MTMR12: variants seen among roughly 807,000 people sequenced by gnomAD.
The protein encoded by MTMR12 is myotubularin related protein 12, also known as myotubularin-related protein 12.
Under a neutral mutation model 96.7 loss-of-function variants are expected in MTMR12, and 33 were observed. That is an observed-to-expected ratio of 0.34 (90% CI 0.26 to 0.46). The LOEUF (loss-of-function observed/expected upper bound fraction) is 0.46, where lower values mean the gene tolerates loss of function less well. MTMR12 is among the 20% of genes least tolerant of loss of function. The pLI is 1.00. For synonymous variants in MTMR12, 298 were observed against 327.2 expected (o/e 0.91, Z 0.96); for missense variants, 721 against 896.1 (o/e 0.80, Z 2.49).
chr5:32,264,462 AC>A lies in MTMR12; in HGVS notation c.584-1221del, dbSNP rs1749513053. On this transcript the variant is annotated intron_variant, in intron 6 of 15. Coordinates refer to ENST00000382142, the MANE Select transcript of MTMR12 (RefSeq NM_001040446.3). The stretch of plus-strand genomic sequence containing the variant: ...TACCAGGTACTGTTCTGAGCATATT[AC>A]TTTTTTTTTTTTTTTGAGACGGAGT... Among the ~76,000 whole-genome samples, 10 of 151,002 alleles carry A rather than the reference AC, an allele frequency of 6.6e-5. No individual in the cohort carries two copies. The South Asian group carries it at 2.1e-3, about 31-fold the overall frequency.
chr5:32,297,172 A>G (rs1750962913), intron 1 of MTMR12, among the ~76,000 whole-genome samples: 1 of 152,070 alleles, frequency 6.6e-6, no homozygotes. Flanking sequence ...AATGTTTAAC[A>G]ATATAAAGTG....
Position 32,248,119 on chromosome 5 carries a change from T to C in MTMR12, c.904A>G (p.Lys302Glu). ...IQKSFLDGIY[K>E]TIHRPPYEIV... ...TCATAGGGTGGCCTGTGGATGGTCTTGTAAATTCTAGGTATCAAAAAGGAA... is the reference window on the plus strand; with the variant it reads ...TCATAGGGTGGCCTGTGGATGGTCTCGTAAATTCTAGGTATCAAAAAGGAA... The change falls in exon 10 of 16, where the codon AAG becomes GAG. Residue 302 changes from lysine to glutamate, a missense_variant. Lys to Glu is a moderately conservative substitution (Grantham distance 56). Coordinates refer to ENST00000382142, the MANE Select transcript of MTMR12 (RefSeq NM_001040446.3). The C allele has an allele frequency of 1.9e-6, 3 of 1,613,398 alleles. No homozygotes were observed. Among genetic ancestry groups the C allele is most frequent in the Non-Finnish European group, 2.5e-6 (3 of 1,179,608 alleles).
At position 32,227,668 on chromosome 5, in the gene MTMR12, G is replaced by A. The variant is rs958073799; in HGVS notation, c.*2110C>T. The A allele has an allele frequency of 1.3e-5, 2 of 152,608 alleles. No homozygotes were observed. The highest frequency in any genetic ancestry group is 4.8e-5 in the African/African-American group (2 of 41,430). 9.5% of individuals were successfully genotyped at this position (152,608 alleles called of 1,614,324 possible). A position where few individuals can be genotyped will look rare whatever the true frequency, so the allele number is the denominator to read the frequency against. Reference sequence around the variant, plus strand: ...CAAAAATAGCTCCATAGCATATTTGGGAGGCAATGGGGCAGAGAAGGAAGT... The same window carrying A: ...CAAAAATAGCTCCATAGCATATTTGAGAGGCAATGGGGCAGAGAAGGAAGT... On this transcript the variant is annotated 3_prime_UTR_variant, in exon 16 of 16. Coordinates refer to ENST00000382142, the MANE Select transcript of MTMR12 (RefSeq NM_001040446.3).
At chr5:32,265,561 CAT>C (rs1163300377) in intron 6 of MTMR12, among the ~76,000 whole-genome samples, 1 of 152,162 alleles carries the variant, frequency 6.6e-6, no homozygotes, top group Non-Finnish European at 1.5e-5. Flanking sequence ...TTGTATATGT[CAT>C]ATTGCCACAA....
At chr5:32,267,695 G>T (rs1749655602) in intron 6 of MTMR12, among the ~76,000 whole-genome samples, 1 of 152,110 alleles carries the variant, frequency 6.6e-6, no homozygotes, top group African/African-American at 2.4e-5. Context: ...TAGAATGCAA[G>T]AAATTCTCTA....
In MTMR12 at chr5:32,228,608, CATATATATG is replaced by C. The variant is rs1747862237; in HGVS notation, c.*1161_*1169del. On this transcript the variant is annotated 3_prime_UTR_variant, in exon 16 of 16. Coordinates refer to ENST00000382142, the MANE Select transcript of MTMR12 (RefSeq NM_001040446.3). ...ATATATGTGATATATATATATATATCATATATATGATATATATATATCACATATATATCA... is the reference window on the plus strand; with the variant it reads ...ATATATGTGATATATATATATATATCATATATATATATCACATATATATCA... 1 of 60,634 alleles carries C rather than the reference CATATATATG, an allele frequency of 1.6e-5. No homozygotes were observed. Among genetic ancestry groups the C allele is most frequent in the African/African-American group, 5.8e-5 (1 of 17,156 alleles). 3.8% of individuals were successfully genotyped at this position (60,634 alleles called of 1,614,324 possible).
chr5:32,293,382 T>C (rs1306567895), intron 1 of MTMR12, among the ~76,000 whole-genome samples: 3 of 152,278 alleles, frequency 2.0e-5, no homozygotes, highest in South Asian at 4.1e-4. Flanking sequence ...GAGACTGGCC[T>C]ATCCTCCCAG....
intron 1 of MTMR12, among the ~76,000 whole-genome samples, chr5:32,293,629 G>A (rs3935489): frequency 0.08 from 12,198 of 151,984 alleles, 628 homozygotes; most frequent in South Asian, 0.14. Flanking sequence ...TCACTTTCTC[G>A]GGCTCTTCTT....
chr5:32,289,326 A>C (rs890324411), intron 1 of MTMR12, among the ~76,000 whole-genome samples: 5 of 152,226 alleles, frequency 3.3e-5, no homozygotes, highest in African/African-American at 1.2e-4. Flanking sequence ...AAAACAGAGA[A>C]TCACGGCCCC....
chr5:32,285,375 G>A (rs1296901185), intron 1 of MTMR12, among the ~76,000 whole-genome samples: 2 of 142,022 alleles, frequency 1.4e-5, no homozygotes, highest in South Asian at 4.7e-4. Flanking sequence ...AAAAAAAAAA[G>A]AGGGAACAGA....
At chr5:32,248,192 G>A (rs995997028) in intron 9 of MTMR12, 66 bp from the exon 10 acceptor site, 14 of 1,551,816 alleles carry the variant, frequency 9.0e-6, no homozygotes, top group East Asian at 6.8e-5. Context: ...GATTTACTAC[G>A]TGCCACAATC....
chr5:32,307,228 A>T (rs1751398223), intron 1 of MTMR12, among the ~76,000 whole-genome samples: 1 of 152,186 alleles, frequency 6.6e-6, no homozygotes, highest in African/African-American at 2.4e-5. Context: ...ATTTTTCTAC[A>T]AAGAATGCTT....
intron 7 of MTMR12, 132 bp from the exon 8 acceptor site, chr5:32,255,900 C>T: frequency 1.4e-6 from 1 of 737,064 alleles, no homozygotes; most frequent in East Asian, 3.1e-5. Context: ...TGTTCAGAAC[C>T]AGCTCAGAGG....
At chr5:32,242,942 G>T (rs1748540518) in intron 11 of MTMR12, among the ~76,000 whole-genome samples, 1 of 152,060 alleles carries the variant, frequency 6.6e-6, no homozygotes, top group Non-Finnish European at 1.5e-5. Context: ...CTCCTGAAAT[G>T]TAGCCTAGCA....
intron 1 of MTMR12, among the ~76,000 whole-genome samples, chr5:32,299,596 G>C (rs755637859): frequency 3.3e-5 from 5 of 152,164 alleles, no homozygotes; most frequent in Non-Finnish European, 5.9e-5. Flanking sequence ...AAAAGGCTTG[G>C]AGCAGGAAGA....
At chr5:32,231,144 C>T (rs565647450) in intron 15 of MTMR12, among the ~76,000 whole-genome samples, 1 of 152,198 alleles carries the variant, frequency 6.6e-6, no homozygotes, top group East Asian at 1.9e-4. Context: ...AATCCTAGCA[C>T]TTTGGGAGAC....
rs995941929 is a variant in MTMR12 at position 32,229,527 on chromosome 5, G to A, written c.*251C>T. ...GTATAATACTTAGGCATCAGAAAAC[G>A]GCCACAACCCTATTACGGGTCAAGT... On this transcript the variant is annotated 3_prime_UTR_variant, in exon 16 of 16. Coordinates refer to ENST00000382142, the MANE Select transcript of MTMR12 (RefSeq NM_001040446.3). 7.2e-5 allele frequency: 24 copies of A among 334,368 alleles called. No homozygotes were observed. Among genetic ancestry groups the A allele is most frequent in the Non-Finnish European group, 1.1e-4 (20 of 186,796 alleles). The allele number at this position is 334,368 out of a possible 1,614,324, so 20.7% of individuals were successfully genotyped here. A position where few individuals can be genotyped will look rare whatever the true frequency, so the allele number is the denominator to read the frequency against.
At chr5:32,257,964 A>G (rs1160908770) in intron 7 of MTMR12, among the ~76,000 whole-genome samples, 1 of 151,982 alleles carries the variant, frequency 6.6e-6, no homozygotes, top group Non-Finnish European at 1.5e-5. Flanking sequence ...GTAGTCATAT[A>G]AAATATAAAA....
At chr5:32,298,877 C>CG (rs1032364133) in intron 1 of MTMR12, among the ~76,000 whole-genome samples, 1 of 148,710 alleles carries the variant, frequency 6.7e-6, no homozygotes, top group African/African-American at 2.5e-5. Context: ...GGCACGAACC[C>CG]GGGAGGCGGA....
Sources: allele counts gnomAD v4.1 joint callset (sites outside exome capture counted in the v4.1 genomes callset), GRCh38; gene constraint gnomAD v4.1.1; transcripts MANE v1.5; gene names NCBI Gene and HGNC (gene_info 2026-07-23, HGNC 2026-07-21).